The following ELL variants were observed in gnomAD, a reference collection of about 807,000 sequenced individuals.
ELL encodes elongation factor for RNA polymerase II.
A neutral mutation model predicts 64.0 loss-of-function variants in ELL; 18 were observed. That is an observed-to-expected ratio of 0.28 (90% confidence interval 0.19 to 0.42). The LOEUF (loss-of-function observed/expected upper bound fraction) is 0.42. ELL is among the 10% of genes least tolerant of loss of function. The pLI is 1.00. For synonymous variants in ELL, 399 were observed against 376.2 expected (o/e 1.06, Z -0.70); for missense variants, 797 against 870.4 (o/e 0.92, Z 1.06).
intron 2 of ELL, among the ~76,000 whole-genome samples, chr19:18,467,459 T>C (rs1242573311): frequency 2.0e-5 from 3 of 151,720 alleles, no homozygotes; most frequent in African/African-American, 7.3e-5. Flanking sequence ...AAGGCCAAAG[T>C]CCATTGTGGG....
intron 1 of ELL, among the ~76,000 whole-genome samples, chr19:18,517,005 C>A (rs1460375350): frequency 6.6e-6 from 1 of 152,142 alleles, no homozygotes; most frequent in African/African-American, 2.4e-5. Flanking sequence ...CTCCTCTCCA[C>A]CAAGGAGCTT....
intron 1 of ELL, among the ~76,000 whole-genome samples, chr19:18,519,510 G>A (rs776971926): frequency 1.6e-4 from 24 of 152,098 alleles, no homozygotes; most frequent in African/African-American, 3.9e-4. Flanking sequence ...GATTAAATTC[G>A]AAAGTAGCCA....
At chr19:18,517,185 T>C (rs979820217) in intron 1 of ELL, among the ~76,000 whole-genome samples, 1 of 151,886 alleles carries the variant, frequency 6.6e-6, no homozygotes, top group Non-Finnish European at 1.5e-5. Context: ...GCTTCCACTC[T>C]CCCCTCTCCC....
Position 18,450,882 on chromosome 19 carries a change from C to G in ELL, c.1060G>C (p.Gly354Arg), listed in dbSNP as rs980519851. 1 of 1,579,922 alleles carries G rather than the reference C, an allele frequency of 6.3e-7. No homozygotes were observed. Among genetic ancestry groups the G allele is most frequent in the Non-Finnish European group, 8.6e-7 (1 of 1,162,134 alleles). The change falls in exon 8 of 12, where the codon GGG becomes CGG. Residue 354 changes from glycine to arginine, a missense_variant. Gly to Arg is a moderately radical substitution (Grantham distance 125). Transcript: ENST00000262809. The part of the protein sequence containing the change: ...FTQRAQPAVN[G>R]KLGVPNGREA... Reference sequence around the variant, plus strand: ...CGGCCATTGGGCACGCCCAGCTTCCCGTTGACGGCAGGCTGAGCTCTCTGA... The same window carrying G: ...CGGCCATTGGGCACGCCCAGCTTCCGGTTGACGGCAGGCTGAGCTCTCTGA...
chr19:18,504,682 C>G (rs187587212), intron 1 of ELL, among the ~76,000 whole-genome samples: 42 of 152,330 alleles, frequency 2.8e-4, no homozygotes, highest in Admixed American at 4.6e-4. Context: ...TTTAAATAAA[C>G]AGAACTCTCC....
intron 1 of ELL, among the ~76,000 whole-genome samples, chr19:18,502,743 C>G (rs1474323853): frequency 6.6e-6 from 1 of 152,178 alleles, no homozygotes; most frequent in Non-Finnish European, 1.5e-5. Context: ...AGTGGGAACA[C>G]GGGGTGGCAG....
intron 1 of ELL, among the ~76,000 whole-genome samples, chr19:18,486,195 G>A (rs1364235474): frequency 2.0e-5 from 3 of 152,066 alleles, no homozygotes; most frequent in African/African-American, 7.2e-5. Context: ...CTGCAACCTG[G>A]GAAGGAATCT....
intron 2 of ELL, among the ~76,000 whole-genome samples, chr19:18,470,152 A>G (rs192331708): frequency 1.3e-5 from 2 of 152,262 alleles, no homozygotes; most frequent in East Asian, 1.9e-4. Flanking sequence ...CCCTGTCTCT[A>G]GAAGGAGGTT....
intron 1 of ELL, among the ~76,000 whole-genome samples, chr19:18,496,655 T>C (rs1975660392): frequency 6.6e-6 from 1 of 152,236 alleles, no homozygotes; most frequent in Non-Finnish European, 1.5e-5. Flanking sequence ...CAGTGTCCCC[T>C]GCCAGCAGGT....
chr19:18,485,985 C>CA (rs1240459805), intron 1 of ELL, among the ~76,000 whole-genome samples: 304 of 112,442 alleles, frequency 2.7e-3, no homozygotes, highest in East Asian at 8.8e-3. Flanking sequence ...GACTCTGTCT[C>CA]AAAAAAAAAA....
At chr19:18,472,754 C>T in intron 2 of ELL, 81 bp downstream of exon 2, 1 of 1,499,186 alleles carries the variant, frequency 6.7e-7, no homozygotes, top group Admixed American at 2.0e-5. Flanking sequence ...TGAGCTGCTG[C>T]TGTACCCAGC....
At chr19:18,516,092 G>C (rs909634896) in intron 1 of ELL, among the ~76,000 whole-genome samples, 1 of 152,088 alleles carries the variant, frequency 6.6e-6, no homozygotes, top group Admixed American at 6.5e-5. Context: ...GGTGCCCACC[G>C]GGAAGGGAAG....
chr19:18,509,593 G>GCGCGCGCGCGCACACACACA lies in ELL; in HGVS notation c.135+12327_135+12328insTGTGTGTGTGCGCGCGCGCG, dbSNP rs1438642062. Among the ~76,000 whole-genome samples, 2 of 83,240 alleles carry GCGCGCGCGCGCACACACACA rather than the reference G, an allele frequency of 2.4e-5. 1 individual carries two copies. The highest frequency in any genetic ancestry group is 9.4e-4 in the South Asian group (2 of 2,130). The allele number at this position is 83,240 out of a possible 152,430, so 54.6% of individuals were successfully genotyped here. ...CAGGCCAATGCACGTGCGCGCGCGC[G>GCGCGCGCGCGCACACACACA]CACATACACACACACACACACACAC... On this transcript the variant is annotated intron_variant, in intron 1 of 11. Transcript: ENST00000262809.
At chr19:18,445,379 C>T in intron 10 of ELL, 111 bp from the exon 11 acceptor site, 1 of 1,107,492 alleles carries the variant, frequency 9.0e-7, no homozygotes, top group Non-Finnish European at 1.4e-6. Context: ...GTGGGGCAGC[C>T]TCAAGGACAA....
chr19:18,444,501 CT>C lies in ELL; in HGVS notation c.*250del. On this transcript the variant is annotated 3_prime_UTR_variant, in exon 12 of 12. Coordinates refer to ENST00000262809, the MANE Select transcript of ELL (RefSeq NM_006532.4). ...GAGACAGGAGGCTGAACCCCGGAGG[CT>C]GCAGCCAGGGAGGAGGCAGTGGGCT... The C allele has an allele frequency of 4.4e-6, 2 of 455,704 alleles. No individual in the cohort carries two copies. The highest frequency in any genetic ancestry group is 7.8e-6 in the Non-Finnish European group (2 of 255,026). The allele number at this position is 455,704 out of a possible 1,614,324, so 28.2% of individuals were successfully genotyped here.
intron 5 of ELL, 136 bp downstream of exon 5, chr19:18,461,442 T>C: frequency 2.2e-6 from 3 of 1,384,266 alleles, no homozygotes; most frequent in Non-Finnish European, 2.9e-6. Flanking sequence ...AGGCAGGTTC[T>C]GAACCTGTGA....
chr19:18,485,650 T>C (rs1417935491), intron 1 of ELL, among the ~76,000 whole-genome samples: 1 of 151,998 alleles, frequency 6.6e-6, no homozygotes, highest in Non-Finnish European at 1.5e-5. Context: ...AGGCAGAGGG[T>C]ATCCCTTGCC....
At chr19:18,483,234 T>C (rs1420050955) in intron 1 of ELL, among the ~76,000 whole-genome samples, 1 of 152,188 alleles carries the variant, frequency 6.6e-6, no homozygotes, top group Non-Finnish European at 1.5e-5. Flanking sequence ...GATTCCTTTG[T>C]CTGCATGCAC....
chr19:18,454,839 T>TAAAAAAAA (rs1974621465), intron 6 of ELL, among the ~76,000 whole-genome samples: 1 of 38,194 alleles, frequency 2.6e-5, no homozygotes, highest in Non-Finnish European at 4.6e-5. Context: ...AGACTCAGTC[T>TAAAAAAAA]CAAAAAAAAA....
Sources: allele counts gnomAD v4.1 joint callset (sites outside exome capture counted in the v4.1 genomes callset), GRCh38; gene constraint gnomAD v4.1.1; transcripts MANE v1.5; gene names NCBI Gene and HGNC (gene_info 2026-07-23, HGNC 2026-07-21).